The following CASTOR2 variants were observed in gnomAD, a reference collection of about 807,000 sequenced individuals.
The protein encoded by CASTOR2 is cytosolic arginine sensor for mTORC1 subunit 2.
CASTOR2 carries 8 observed loss-of-function variants against 31.2 expected under a neutral mutation model. The observed-to-expected ratio is 0.26, with a 90% CI of 0.15 to 0.46. CASTOR2 has a LOEUF of 0.46. Among genes scored for constraint, CASTOR2 ranks in the 20% least tolerant of loss-of-function variants. CASTOR2 has a pLI of 0.99. For missense variants in CASTOR2, 216 were observed against 382.1 expected, an observed-to-expected ratio of 0.57 and a Z score of 3.62; for synonymous variants, 162 against 158.7, an observed-to-expected ratio of 1.02 and a Z score of -0.16.
intron 1 of CASTOR2, among the ~76,000 whole-genome samples, chr7:74,995,511 GAA>G (rs1335114046): frequency 3.4e-5 from 3 of 88,452 alleles, no homozygotes; most frequent in African/African-American, 5.3e-5. Flanking sequence ...ACAAAAAAAT[GAA>G]AAAAAAAAAA....
At chr7:74,980,821 T>G (rs1803931473) in intron 1 of CASTOR2, among the ~76,000 whole-genome samples, 1 of 55,376 alleles carries the variant, frequency 1.8e-5, no homozygotes, top group Admixed American at 2.0e-4. Flanking sequence ...GGAGAAACTC[T>G]GGGGGCCAGG....
In CASTOR2 at chr7:75,008,075, C is replaced by A. The variant is rs1554438950; in HGVS notation, c.184+11C>A. 4.3e-6 allele frequency: 7 copies of A among 1,613,754 alleles called. No homozygotes were observed. Among genetic ancestry groups the A allele is most frequent in the Non-Finnish European group, 5.1e-6 (6 of 1,179,770 alleles). Reference sequence around the variant, plus strand: ...AGGAAGGATTCCTAGGTAAGTGCTTCTCTCCCTAGGGGCTCGGCTGGACCA... The same window carrying A: ...AGGAAGGATTCCTAGGTAAGTGCTTATCTCCCTAGGGGCTCGGCTGGACCA... On this transcript the variant is annotated intron_variant, in intron 2 of 8. Transcript: ENST00000616305.
chr7:75,009,343 C>G (rs1446768777), intron 2 of CASTOR2, among the ~76,000 whole-genome samples: 1 of 138,970 alleles, frequency 7.2e-6, no homozygotes, highest in African/African-American at 2.7e-5. Flanking sequence ...GATCTCAGCA[C>G]TGCAAGCTCC....
chr7:74,995,511 G>GGAAAAAAAAA (rs1480061860), intron 1 of CASTOR2, among the ~76,000 whole-genome samples: 1 of 88,454 alleles, frequency 1.1e-5, no homozygotes, highest in African/African-American at 5.3e-5. Context: ...ACAAAAAAAT[G>GGAAAAAAAAA]AAAAAAAAAA....
At chr7:75,009,640 C>G (rs1554439170) in intron 2 of CASTOR2, among the ~76,000 whole-genome samples, 1 of 151,212 alleles carries the variant, frequency 6.6e-6, no homozygotes, top group African/African-American at 2.4e-5. Context: ...AGGTGGAAAA[C>G]ATTAATGGAG....
chr7:74,994,060 G>C (rs1554437624), intron 1 of CASTOR2, among the ~76,000 whole-genome samples: 1 of 152,214 alleles, frequency 6.6e-6, no homozygotes, highest in African/African-American at 2.4e-5. Context: ...AGGAATCCCA[G>C]AGTAAACAGA....
intron 2 of CASTOR2, among the ~76,000 whole-genome samples, chr7:75,013,097 G>A (rs1341045232): frequency 1.3e-5 from 2 of 152,202 alleles, no homozygotes; most frequent in African/African-American, 4.8e-5. Flanking sequence ...TGCTGGCTCT[G>A]GCATGGGGAA....
rs587728845 is a variant in CASTOR2, at chr7:74,983,543, C to G, written c.113+18445C>G. On this transcript the variant is annotated intron_variant, in intron 1 of 8. Coordinates refer to ENST00000616305, the MANE Select transcript of CASTOR2 (RefSeq NM_001145064.3). ...CACGGGAGGTTGAAGTGAGATCTTACAGAGAAAGTGCTTAGCAGGTGCCCC... is the reference window on the plus strand; with the variant it reads ...CACGGGAGGTTGAAGTGAGATCTTAGAGAGAAAGTGCTTAGCAGGTGCCCC... Among the ~76,000 whole-genome samples, 5 of 150,786 alleles carry G rather than the reference C, an allele frequency of 3.3e-5. No homozygotes were observed. The East Asian group carries it at 9.8e-4, about 30-fold the overall frequency.
intron 6 of CASTOR2, 143 bp downstream of exon 6, chr7:75,020,292 G>C (rs1370027412): frequency 1.1e-5 from 9 of 820,112 alleles, no homozygotes; most frequent in African/African-American, 1.7e-5. Context: ...GCCCAGGCTG[G>C]GGTGCAGTGG....
chr7:75,028,053 C>T lies in CASTOR2; in HGVS notation c.*3354C>T. Reference sequence around the variant, plus strand: ...GTAATCAGAGGAGTGGGCCTGTTGTCTTGGCGCTGGCGGATGGGGCAGGTG... The same window carrying T: ...GTAATCAGAGGAGTGGGCCTGTTGTTTTGGCGCTGGCGGATGGGGCAGGTG... On this transcript the variant is annotated 3_prime_UTR_variant, in exon 9 of 9. Transcript: ENST00000616305. 1.3e-6 allele frequency: 2 copies of T among 1,534,144 alleles called. No individual in the cohort carries two copies. The highest frequency in any genetic ancestry group is 2.4e-5 in the South Asian group (2 of 83,980).
At chr7:75,011,542 G>A (rs1249603945) in intron 2 of CASTOR2, among the ~76,000 whole-genome samples, 1 of 151,812 alleles carries the variant, frequency 6.6e-6, no homozygotes, top group Non-Finnish European at 1.5e-5. Context: ...AGACCATCCT[G>A]GCTAACATGG....
At chr7:74,994,174 C>T (rs1804283293) in intron 1 of CASTOR2, among the ~76,000 whole-genome samples, 2 of 152,260 alleles carry the variant, frequency 1.3e-5, no homozygotes, top group East Asian at 1.9e-4. Context: ...CTTCTCGGCC[C>T]AGATCAGGGG....
chr7:74,995,603 C>T (rs1446130542), intron 1 of CASTOR2, among the ~76,000 whole-genome samples: 6 of 150,560 alleles, frequency 4.0e-5, no homozygotes, highest in Admixed American at 2.0e-4. Flanking sequence ...GTCAGGAGAT[C>T]GAGACCATCC....
intron 3 of CASTOR2, 33 bp downstream of exon 3, chr7:75,017,824 C>G: frequency 5.6e-6 from 9 of 1,613,624 alleles, no homozygotes; most frequent in Non-Finnish European, 4.2e-6. Flanking sequence ...GCCTTGCACA[C>G]TCATGCCCGC....
Position 74,969,283 on chromosome 7 carries a change from T to G in CASTOR2, c.113+4185T>G, listed in dbSNP as rs1554434870. Among the ~76,000 whole-genome samples, 8 of 117,088 alleles carry G rather than the reference T, an allele frequency of 6.8e-5. 1 individual carries two copies. The South Asian group carries it at 9.1e-4, about 13-fold the overall frequency. The allele number at this position is 117,088 out of a possible 152,430, so 76.8% of individuals were successfully genotyped here. On this transcript the variant is annotated intron_variant, in intron 1 of 8. Coordinates refer to ENST00000616305, the MANE Select transcript of CASTOR2 (RefSeq NM_001145064.3). ...TATTTGGCTTTGGTGGGCCTTTTCTTTTTTTTTTTTTTTTTTGGAGATAGG... is the reference window on the plus strand; with the variant it reads ...TATTTGGCTTTGGTGGGCCTTTTCTGTTTTTTTTTTTTTTTTGGAGATAGG...
At chr7:75,013,100 A>T (rs1280078581) in intron 2 of CASTOR2, among the ~76,000 whole-genome samples, 1 of 152,218 alleles carries the variant, frequency 6.6e-6, no homozygotes, top group Non-Finnish European at 1.5e-5. Context: ...TGGCTCTGGC[A>T]TGGGGAATGA....
rs1400512698 is a variant in CASTOR2 at position 75,008,090 on chromosome 7, C to T, written c.184+26C>T. The T allele has an allele frequency of 6.2e-6, 10 of 1,613,286 alleles. No individual in the cohort carries two copies. In the East Asian group the frequency reaches 6.7e-5, roughly 11 times the overall value. Reference sequence around the variant, plus strand: ...GTAAGTGCTTCTCTCCCTAGGGGCTCGGCTGGACCATGCCCCGAAGTCAGG... The same window carrying T: ...GTAAGTGCTTCTCTCCCTAGGGGCTTGGCTGGACCATGCCCCGAAGTCAGG... On this transcript the variant is annotated intron_variant, in intron 2 of 8. Coordinates refer to ENST00000616305, the MANE Select transcript of CASTOR2 (RefSeq NM_001145064.3).
At chr7:75,016,753 G>A (rs1247388518) in intron 2 of CASTOR2, among the ~76,000 whole-genome samples, 5,745 of 152,260 alleles carry the variant, frequency 0.038, 161 homozygotes, top group Middle Eastern at 0.11. Context: ...ACTGAGGCTC[G>A]GTGCAGATCA....
At chr7:75,011,758 A>T (rs1417766053) in intron 2 of CASTOR2, among the ~76,000 whole-genome samples, 2 of 149,946 alleles carry the variant, frequency 1.3e-5, no homozygotes, top group Non-Finnish European at 3.0e-5. Context: ...CAAAAAAAAA[A>T]GGAGTTCGAG....
Sources: gnomAD v4.1 joint callset for allele counts (sites outside exome capture counted in the v4.1 genomes callset) on GRCh38, gnomAD v4.1.1 for gene constraint, MANE v1.5 for transcripts, NCBI Gene and HGNC (gene_info 2026-07-23, HGNC 2026-07-21) for gene names.